The following ZNF813 variants were observed in gnomAD, a reference collection of about 807,000 sequenced individuals.
ZNF813 encodes zinc finger protein 813.
In ZNF813, 3 loss-of-function variants were observed where a neutral mutation model predicts 7.2. The ratio of observed to expected loss-of-function variants is 0.42; its 90% CI spans 0.19 to 1.08. The LOEUF (loss-of-function observed/expected upper bound fraction) is 1.08, where lower values mean the gene tolerates loss of function less well. Among genes scored for constraint, ZNF813 ranks in the 50% least tolerant of loss-of-function variants. The probability of loss-of-function intolerance (pLI) is 0.30; values close to 1 mark genes in which losing one functional copy is unlikely to be tolerated. For synonymous variants in ZNF813, 227 were observed against 256.3 expected (o/e 0.89, Z 1.09); for missense variants, 714 against 753.3 (o/e 0.95, Z 0.61).
At chr19:53,481,735 G>A (rs2086409469) in intron 1 of ZNF813, among the ~76,000 whole-genome samples, 1 of 152,114 alleles carries the variant, frequency 6.6e-6, no homozygotes, top group Non-Finnish European at 1.5e-5. Context: ...CAATAGCTGT[G>A]TGTTCACACT....
chr19:53,472,611 C>CTTT (rs1166123869), intron 1 of ZNF813, among the ~76,000 whole-genome samples: 3 of 128,406 alleles, frequency 2.3e-5, no homozygotes, highest in Non-Finnish European at 3.2e-5. Context: ...ACAAGTCTTT[C>CTTT]TTTTTTTTTT....
intron 2 of ZNF813, among the ~76,000 whole-genome samples, chr19:53,485,563 C>T (rs1413582703): frequency 8.3e-6 from 1 of 120,540 alleles, no homozygotes; most frequent in Admixed American, 8.8e-5. Flanking sequence ...TATGTCATGA[C>T]ATATATACAT....
chr19:53,476,262 G>T (rs1035912177), intron 1 of ZNF813, among the ~76,000 whole-genome samples: 1 of 152,176 alleles, frequency 6.6e-6, no homozygotes, highest in African/African-American at 2.4e-5. Context: ...AAGCTCATCT[G>T]CATACTGCAA....
chr19:53,483,770 T>C lies in ZNF813; in HGVS notation c.-53T>C, dbSNP rs1024055215. On this transcript the variant is annotated 5_prime_UTR_variant, in exon 2 of 4. Transcript: ENST00000396403. ...TTCAGGATTGACTTCTAAAGACTCT[T>C]GGTATGTGAGGAAGAAACCTGGAAG... 2.5e-6 allele frequency: 4 copies of C among 1,611,938 alleles called. No homozygotes were observed. The Admixed American group carries it at 6.7e-5, about 27-fold the overall frequency.
intron 1 of ZNF813, among the ~76,000 whole-genome samples, chr19:53,482,985 T>C (rs1259601720): frequency 6.6e-6 from 1 of 152,078 alleles, no homozygotes; most frequent in Admixed American, 6.6e-5. Flanking sequence ...CGATCTTGGC[T>C]CACTGCAACT....
chr19:53,469,633 C>T (rs1255832437), intron 1 of ZNF813, among the ~76,000 whole-genome samples: 2 of 151,846 alleles, frequency 1.3e-5, no homozygotes, highest in Non-Finnish European at 2.9e-5. Context: ...AGATGAAGGA[C>T]AGCAAGGTAG....
chr19:53,483,421 C>G (rs1568831012), intron 1 of ZNF813, among the ~76,000 whole-genome samples: 1 of 152,038 alleles, frequency 6.6e-6, no homozygotes, highest in South Asian at 2.1e-4. Context: ...AACCTGAGCT[C>G]AAGAGATCTA....
intron 1 of ZNF813, among the ~76,000 whole-genome samples, chr19:53,477,982 A>G (rs1309192076): frequency 3.9e-5 from 6 of 152,136 alleles, no homozygotes; most frequent in Admixed American, 6.5e-5. Flanking sequence ...CCTATCTATA[A>G]GGCATGTACA....
intron 1 of ZNF813, among the ~76,000 whole-genome samples, chr19:53,469,425 T>C (rs191931797): frequency 8.0e-4 from 122 of 152,208 alleles, no homozygotes; most frequent in African/African-American, 2.7e-3. Flanking sequence ...CATGTGATTC[T>C]GTGGGCTAAA....
At chr19:53,482,242 CAG>C (rs1458922466) in intron 1 of ZNF813, among the ~76,000 whole-genome samples, 1 of 152,220 alleles carries the variant, frequency 6.6e-6, no homozygotes, top group Non-Finnish European at 1.5e-5. Flanking sequence ...GTTGTAGACT[CAG>C]ACACAGAGAC....
chr19:53,472,455 G>A (rs1033304462), intron 1 of ZNF813, among the ~76,000 whole-genome samples: 27 of 151,838 alleles, frequency 1.8e-4, no homozygotes, highest in African/African-American at 6.5e-4. Context: ...GTAAAAGGGA[G>A]GGACCTTGGT....
In ZNF813 at chr19:53,493,018, A is replaced by C. The variant is rs1401269772; in HGVS notation, c.*932A>C. On this transcript the variant is annotated 3_prime_UTR_variant, in exon 4 of 4. Transcript: ENST00000396403. ...CTTCACTCCTTGCAGAATATCAGAA[A>C]ATTCATTTTGAGATAATTGTTCCAA... 1 of 420,260 alleles carries C rather than the reference A, an allele frequency of 2.4e-6. No individual in the cohort carries two copies. Among genetic ancestry groups the C allele is most frequent in the Non-Finnish European group, 4.8e-6 (1 of 209,984 alleles). The allele number at this position is 420,260 out of a possible 1,614,324, so 26.0% of individuals were successfully genotyped here. A position where few individuals can be genotyped will look rare whatever the true frequency, so the allele number is the denominator to read the frequency against.
chr19:53,492,964 T>TC lies in ZNF813; in HGVS notation c.*879dup. 1 of 466,372 alleles carries TC rather than the reference T, an allele frequency of 2.1e-6. No individual in the cohort carries two copies. The highest frequency in any genetic ancestry group is 1.6e-5 in the South Asian group (1 of 64,374). The allele number at this position is 466,372 out of a possible 1,614,324, so 28.9% of individuals were successfully genotyped here. ...ACACTGGACGGAAATCTTACAAATG[T>TC]CATCAGTGTGGCAAGGTTTTCAGTC... On this transcript the variant is annotated 3_prime_UTR_variant, in exon 4 of 4. Coordinates refer to ENST00000396403, the MANE Select transcript of ZNF813 (RefSeq NM_001004301.4).
chr19:53,480,375 A>C (rs547401070), intron 1 of ZNF813, among the ~76,000 whole-genome samples: 1 of 152,202 alleles, frequency 6.6e-6, no homozygotes, highest in South Asian at 2.1e-4. Context: ...AAAAAAAAAA[A>C]AAAAAACATA....
Position 53,492,782 on chromosome 19 carries a change from A to G in ZNF813, c.*696A>G. Reference sequence around the variant, plus strand: ...GTTCATTGGCGAACTCATACTGGAGACAAACCTTATAAATGTCATGATTGA... The same window carrying G: ...GTTCATTGGCGAACTCATACTGGAGGCAAACCTTATAAATGTCATGATTGA... On this transcript the variant is annotated 3_prime_UTR_variant, in exon 4 of 4. Coordinates refer to ENST00000396403, the MANE Select transcript of ZNF813 (RefSeq NM_001004301.4). The G allele has an allele frequency of 1.8e-6, 1 of 552,210 alleles. No individual in the cohort carries two copies. Among genetic ancestry groups the G allele is most frequent in the Non-Finnish European group, 3.3e-6 (1 of 298,876 alleles). 34.2% of individuals were successfully genotyped at this position (552,210 alleles called of 1,614,324 possible). A position where few individuals can be genotyped will look rare whatever the true frequency, so the allele number is the denominator to read the frequency against.
intron 1 of ZNF813, among the ~76,000 whole-genome samples, chr19:53,474,043 A>G (rs562743744): frequency 9.2e-5 from 14 of 152,328 alleles, no homozygotes; most frequent in Non-Finnish European, 1.8e-4. Flanking sequence ...AGTCTTGTTA[A>G]ATCTTGCACT....
In ZNF813 at chr19:53,491,477, A is replaced by C. The variant is rs772921222; in HGVS notation, c.1245A>C (p.Glu415Asp). The change falls in exon 4 of 4, where the codon GAA (glutamate) becomes GAC (aspartate). Residue 415 changes from glutamate to aspartate, a missense_variant. Coordinates refer to ENST00000396403, the MANE Select transcript of ZNF813 (RefSeq NM_001004301.4). ...GAGAGAAGCCTTACAAGTGTAATGA[A>C]TGTGGCAAGGTTTTTAATAAAAAGG... ...HTGEKPYKCN[E>D]CGKVFNKKAN... The C allele has an allele frequency of 3.7e-6, 6 of 1,614,132 alleles. No homozygotes were observed. Among genetic ancestry groups the C allele is most frequent in the Non-Finnish European group, 5.1e-6 (6 of 1,179,988 alleles).
chr19:53,474,232 G>A (rs888811153), intron 1 of ZNF813, among the ~76,000 whole-genome samples: 1 of 152,182 alleles, frequency 6.6e-6, no homozygotes, highest in Non-Finnish European at 1.5e-5. Context: ...TCGGATGCAC[G>A]GAGCAGTTCG....
chr19:53,490,843 A>T lies in ZNF813; in HGVS notation c.611A>T (p.Gln204Leu), dbSNP rs1449325373. 4 of 1,614,080 alleles carry T rather than the reference A, an allele frequency of 2.5e-6. No homozygotes were observed. The highest frequency in any genetic ancestry group is 3.4e-6 in the Non-Finnish European group (4 of 1,180,020). The change falls in exon 4 of 4, where the codon CAA becomes CTA. Residue 204 changes from glutamine (Q) to leucine (L), a missense_variant. By Grantham distance (113) the Gln-to-Leu change is moderately radical. Transcript: ENST00000396403. ...TTCCGGAATTCTTCGTTACTCACACAAAAACAGGAGGTACACATGAGAGAA... is the reference window on the plus strand; with the variant it reads ...TTCCGGAATTCTTCGTTACTCACACTAAAACAGGAGGTACACATGAGAGAA... ...NNFRNSSLLT[Q>L]KQEVHMREKS...
Sources: allele counts gnomAD v4.1 joint callset (sites outside exome capture counted in the v4.1 genomes callset), GRCh38; gene constraint gnomAD v4.1.1; transcripts MANE v1.5; gene names NCBI Gene and HGNC (gene_info 2026-07-23, HGNC 2026-07-21).